Variants in VSTM2A observed in about 807,000 individuals in gnomAD.
VSTM2A encodes V-set and transmembrane domain-containing protein 2A.
Under a neutral mutation model 27.3 loss-of-function variants are expected in VSTM2A, and 13 were observed. The observed-to-expected ratio is 0.48, with a 90% confidence interval of 0.31 to 0.76. The LOEUF is 0.76. Among genes scored for constraint, VSTM2A ranks in the 30% least tolerant of loss-of-function variants. The probability of loss-of-function intolerance (pLI) is 0.05; values close to 1 mark genes in which losing one functional copy is unlikely to be tolerated. For synonymous variants in VSTM2A, 142 were observed against 125.7 expected, an observed-to-expected ratio of 1.13 and a Z score of -0.87; for missense variants, 280 against 310.0, an observed-to-expected ratio of 0.90 and a Z score of 0.73.
intron 2 of VSTM2A, among the ~76,000 whole-genome samples, chr7:54,546,464 G>C (rs1292000828): frequency 2.0e-5 from 3 of 151,774 alleles, no homozygotes; most frequent in African/African-American, 7.3e-5. Context: ...ATGGTGGCCG[G>C]AACAAAGGCG....
At chr7:54,557,630 G>A (rs997593423) in intron 4 of VSTM2A, among the ~76,000 whole-genome samples, 6 of 151,984 alleles carry the variant, frequency 3.9e-5, no homozygotes, top group African/African-American at 4.8e-5. Context: ...CACTGTCCCC[G>A]GCCTGTTTCC....
At chr7:54,547,040 A>T (rs749539302) in intron 3 of VSTM2A, 43 bp downstream of exon 3, 1 of 1,551,788 alleles carries the variant, frequency 6.4e-7, no homozygotes, top group African/African-American at 1.4e-5. Context: ...CAGGCTCGGG[A>T]CGCACAGCCC....
chr7:54,550,280 A>C, intron 4 of VSTM2A, 110 bp downstream of exon 4: 4 of 1,508,572 alleles, frequency 2.7e-6, no homozygotes, highest in Non-Finnish European at 3.6e-6. Context: ...AAAATCGGAG[A>C]CCTAGTTCAG....
At chr7:54,555,785 T>C (rs1268610814) in intron 4 of VSTM2A, among the ~76,000 whole-genome samples, 1 of 152,208 alleles carries the variant, frequency 6.6e-6, no homozygotes, top group Non-Finnish European at 1.5e-5. Flanking sequence ...TATTATTTTG[T>C]ATAATTATGT....
chr7:54,554,189 C>T, intron 4 of VSTM2A: 1 of 1,458,944 alleles, frequency 6.9e-7, no homozygotes, highest in East Asian at 2.5e-5. Flanking sequence ...GGCAGCCTTT[C>T]TCCCTCGATC....
chr7:54,549,733 A>T, intron 3 of VSTM2A, 101 bp from the exon 4 acceptor site: 1 of 1,124,988 alleles, frequency 8.9e-7, no homozygotes, highest in Non-Finnish European at 1.2e-6. Context: ...TGGGGCCATT[A>T]AGACCCTTTA....
At chr7:54,544,591 T>A (rs1787882013) in intron 1 of VSTM2A, 31 bp from the exon 2 acceptor site, 1 of 1,612,580 alleles carries the variant, frequency 6.2e-7, no homozygotes, top group African/African-American at 1.3e-5. Context: ...GGGGTGTGGA[T>A]ATTCCAACAG....
chr7:54,553,793 C>A, intron 4 of VSTM2A: 1 of 1,534,674 alleles, frequency 6.5e-7, no homozygotes, highest in Non-Finnish European at 8.8e-7. Flanking sequence ...CAGGACTCAA[C>A]GCCCCTCCAC....
rs1277241916 is a variant in VSTM2A, at chr7:54,571,067, A to G, written c.*1848A>G. 1 of 152,182 alleles carries G rather than the reference A, an allele frequency of 6.6e-6. No individual in the cohort carries two copies. The highest frequency in any genetic ancestry group is 1.5e-5 in the Non-Finnish European group (1 of 68,020). The allele number at this position is 152,182 out of a possible 1,614,324, so 9.4% of individuals were successfully genotyped here. A position where few individuals can be genotyped will look rare whatever the true frequency, so the allele number is the denominator to read the frequency against. On this transcript the variant is annotated 3_prime_UTR_variant, in exon 5 of 5. Transcript: ENST00000402613. ...AATTAATAAAGGTTTTGATTGCACT[A>G]TTTTATTAACCTAGAAATGTATTTT...
intron 4 of VSTM2A, among the ~76,000 whole-genome samples, chr7:54,567,449 T>C (rs540120857): frequency 1.3e-5 from 2 of 152,242 alleles, no homozygotes; most frequent in Non-Finnish European, 2.9e-5. Flanking sequence ...TAGGAAATGC[T>C]GCATCAAAAT....
At chr7:54,567,545 A>G (rs953005461) in intron 4 of VSTM2A, among the ~76,000 whole-genome samples, 1 of 152,222 alleles carries the variant, frequency 6.6e-6, no homozygotes, top group Non-Finnish European at 1.5e-5. Flanking sequence ...AAGGGATGAC[A>G]TAAATTATGG....
intron 4 of VSTM2A, among the ~76,000 whole-genome samples, chr7:54,563,858 A>C (rs551586332): frequency 2.0e-4 from 30 of 152,252 alleles, no homozygotes; most frequent in African/African-American, 6.8e-4. Context: ...TCTTTTAAAA[A>C]ACAGATTTCT....
Position 54,544,775 on chromosome 7 carries a change from G to A in VSTM2A, c.233G>A (p.Gly78Glu). 6.2e-7 allele frequency: 1 copy of A among 1,607,938 alleles called. No homozygotes were observed. The highest frequency in any genetic ancestry group is 8.5e-7 in the Non-Finnish European group (1 of 1,177,646). Residue 78 changes from glycine to glutamate, a missense_variant, in exon 2 of 5, where the codon GGG becomes GAG. Physicochemically the swap from Gly to Glu is moderately conservative, Grantham distance 98. Coordinates refer to ENST00000402613, the MANE Select transcript of VSTM2A (RefSeq NM_001301009.2). ...GPEDLDPGAE[G>E]AGAQVELLPD... ...GAGGACCTGGATCCCGGGGCCGAGG[G>A]GGCCGGCGCGCAGGTAGCGGAGCCC...
At chr7:54,566,456 A>G (rs71546188) in intron 4 of VSTM2A, among the ~76,000 whole-genome samples, 8,914 of 152,248 alleles carry the variant, frequency 0.059, 298 homozygotes, top group South Asian at 0.095. Context: ...CTGGTAAAGA[A>G]CCTAGCAAAA....
At chr7:54,555,930 C>T (rs1788341194) in intron 4 of VSTM2A, among the ~76,000 whole-genome samples, 1 of 152,170 alleles carries the variant, frequency 6.6e-6, no homozygotes, top group South Asian at 2.1e-4. Context: ...TTCCAGAACT[C>T]CACCCAGTGC....
intron 4 of VSTM2A, chr7:54,550,996 G>A (rs1456460013): frequency 6.6e-6 from 1 of 151,930 alleles, no homozygotes; most frequent in African/African-American, 2.4e-5. Context: ...CCTTCTTTAG[G>A]TTTTTCCCTA....
chr7:54,566,207 C>G (rs1788718739), intron 4 of VSTM2A, among the ~76,000 whole-genome samples: 1 of 152,222 alleles, frequency 6.6e-6, no homozygotes, highest in African/African-American at 2.4e-5. Flanking sequence ...CCCATTAGGC[C>G]TCTCTTCATC....
At chr7:54,565,327 A>T (rs1788687614) in intron 4 of VSTM2A, among the ~76,000 whole-genome samples, 1 of 152,240 alleles carries the variant, frequency 6.6e-6, no homozygotes, top group Non-Finnish European at 1.5e-5. Flanking sequence ...ATGGAGGCAC[A>T]GTGCCTACTG....
At chr7:54,542,939 TG>T in intron 1 of VSTM2A, 130 bp downstream of exon 1, 1 of 847,234 alleles carries the variant, frequency 1.2e-6, no homozygotes, top group South Asian at 1.7e-5. Flanking sequence ...GTATAAATAG[TG>T]TTCTGTTTGA....
Sources: gnomAD v4.1 joint callset for allele counts (sites outside exome capture counted in the v4.1 genomes callset) on GRCh38, gnomAD v4.1.1 for gene constraint, MANE v1.5 for transcripts, NCBI Gene and HGNC (gene_info 2026-07-23, HGNC 2026-07-21) for gene names.